PEX6: variants seen among roughly 807,000 people sequenced by gnomAD.
PEX6 encodes peroxisomal biogenesis factor 6.
In PEX6, 55 loss-of-function variants were observed where a neutral mutation model predicts 85.6. The observed-to-expected ratio is 0.64, with a 90% CI of 0.52 to 0.80. PEX6 has a LOEUF of 0.80. Among genes scored for constraint, PEX6 ranks in the 30% least tolerant of loss-of-function variants. PEX6 has a pLI of 0.00. For synonymous variants in PEX6, 519 were observed against 549.1 expected, an observed-to-expected ratio of 0.95 and a Z score of 0.77; for missense variants, 1,099 against 1,260.3, an observed-to-expected ratio of 0.87 and a Z score of 1.94.
chr6:42,965,013 C>T lies in PEX6; in HGVS notation c.2666+62G>A. 1.9e-6 allele frequency: 3 copies of T among 1,611,534 alleles called. No homozygotes were observed. Among genetic ancestry groups the T allele is most frequent in the South Asian group, 1.1e-5 (1 of 91,038 alleles). On this transcript the variant is annotated intron_variant, in intron 15 of 16. Transcript: ENST00000304611. This position sits in a 1 kb window ranked among gnomAD's most constrained non-coding sequence, Gnocchi z 5.0. ...GCTGACCAGCTCATCCTGCATGTTG[C>T]ATGCATCCCCTAAGCATCCCAAGGC... is the stretch of plus-strand genomic sequence containing the variant.
At chr6:42,973,564 T>G (rs895247825) in intron 3 of PEX6, among the ~76,000 whole-genome samples, 1 of 152,102 alleles carries the variant, frequency 6.6e-6, no homozygotes, top group South Asian at 2.1e-4. Flanking sequence ...CAAAAAAATG[T>G]ACACAGGCTG....
chr6:42,968,364 A>G lies in PEX6; in HGVS notation c.1614T>C (p.Arg538=). 6.2e-7 allele frequency: 1 copy of G among 1,614,144 alleles called. No homozygotes were observed. The highest frequency in any genetic ancestry group is 8.5e-7 in the Non-Finnish European group (1 of 1,180,040). Residue 538 remains arginine (R), a synonymous_variant, in exon 7 of 17, where the codon CGT becomes CGC. Transcript: ENST00000304611. ...CACGGGCATCCTCACCCAGCCCATC[A>G]CGGTCCCGGCCCAGAAGGTCCACAG... ...LTAVDLLGRD[R]DGLGEDARVM... is the part of the protein sequence containing the mutation.
chr6:42,978,175 A>T (rs1429586263), intron 1 of PEX6, 94 bp downstream of exon 1: 17 of 1,421,870 alleles, frequency 1.2e-5, no homozygotes, highest in Admixed American at 8.4e-5. Context: ...CCGGGATGAT[A>T]TGGGGCACGA....
chr6:42,974,115 T>G (rs1446641536), intron 2 of PEX6, 29 bp from the exon 3 acceptor site: 2 of 1,550,050 alleles, frequency 1.3e-6, no homozygotes, highest in Non-Finnish European at 1.8e-6. Flanking sequence ...CCTGGTCAGG[T>G]CACAATGGGA....
chr6:42,977,768 CAAAAAAAAAAAA>C (rs200706906), intron 1 of PEX6, among the ~76,000 whole-genome samples: 20 of 51,720 alleles, frequency 3.9e-4, no homozygotes, highest in East Asian at 2.0e-3. Flanking sequence ...GACCCCATCT[CAAAAAAAAAAAA>C]AAAAAAAAAA....
At chr6:42,974,343 GTC>G (rs1190916747) in intron 2 of PEX6, among the ~76,000 whole-genome samples, 2 of 151,224 alleles carry the variant, frequency 1.3e-5, no homozygotes, top group East Asian at 3.9e-4. Context: ...AATCACAGGT[GTC>G]TCTGTTTGGA....
chr6:42,974,807 A>T, intron 2 of PEX6, 68 bp downstream of exon 2: 1 of 1,451,446 alleles, frequency 6.9e-7, no homozygotes, highest in Non-Finnish European at 9.7e-7. Flanking sequence ...ACTTGGTTCT[A>T]AGGCATGGGA....
At chr6:42,974,795 G>A (rs1770216572) in intron 2 of PEX6, 80 bp downstream of exon 2, 3 of 1,315,858 alleles carry the variant, frequency 2.3e-6, no homozygotes, top group South Asian at 2.4e-5. Flanking sequence ...GGCCTCTGGG[G>A]TACTTGGTTC....
intron 1 of PEX6, among the ~76,000 whole-genome samples, chr6:42,976,845 A>C (rs1414909984): frequency 6.6e-6 from 1 of 152,214 alleles, no homozygotes; most frequent in Non-Finnish European, 1.5e-5. Flanking sequence ...TAAAATATTA[A>C]AACTAAACAC....
At position 42,979,170 on chromosome 6, in the gene PEX6, G is replaced by A. The variant is rs747395702; in HGVS notation, c.-20C>T. The A allele has an allele frequency of 1.3e-6, 2 of 1,569,988 alleles. No homozygotes were observed. Among genetic ancestry groups the A allele is most frequent in the Non-Finnish European group, 1.7e-6 (2 of 1,166,622 alleles). ...CGCCATGGTGACAGGACACCAACGA[G>A]GAGGGTGAAGGAGCGCAGCTTCCGG... On this transcript the variant is annotated 5_prime_UTR_variant, in exon 1 of 17. Transcript: ENST00000304611.
Position 42,967,555 on chromosome 6 carries a change from G to T in PEX6, c.1697C>A (p.Pro566His), listed in dbSNP as rs1452199222. Reference sequence around the variant, plus strand: ...GCTTGTGGTGGCCACAACCATGAGGGGAGGGCAGCTGCAGACAGAGGAGTG... The same window carrying T: ...GCTTGTGGTGGCCACAACCATGAGGTGAGGGCAGCTGCAGACAGAGGAGTG... ...LNEDPLNSCP[P>H]LMVVATTSRA... The change falls in exon 8 of 17, where the codon CCC (proline) becomes CAC (histidine). Residue 566 changes from proline (P) to histidine (H), a missense_variant. This residue lies in a region of PEX6 where 514 missense variants were observed against 627.0 expected (regional missense o/e 0.82). Transcript: ENST00000304611. 11 of 1,600,556 alleles carry T rather than the reference G, an allele frequency of 6.9e-6. No homozygotes were observed. Among genetic ancestry groups the T allele is most frequent in the African/African-American group, 1.3e-5 (1 of 74,836 alleles).
At position 42,966,261 on chromosome 6, in the gene PEX6, A is replaced by G. The variant is rs1457150822; in HGVS notation, c.2281T>C (p.Cys761Arg). Residue 761 changes from cysteine to arginine, a missense_variant, in exon 11 of 17, where the codon TGC (cysteine) becomes CGC (arginine). Physicochemically the swap from Cys to Arg is radical, Grantham distance 180 (BLOSUM62 -3). Transcript: ENST00000304611. The part of the protein sequence containing the change: ...TLLAKAVATE[C>R]SLTFLSVKGP... ...GGCCACCTGAGGAAGGTAAGGCTGC[A>G]CTCAGTGGCTACTGCCTTGGCCAGA... 1 of 1,612,258 alleles carries G rather than the reference A, an allele frequency of 6.2e-7. No homozygotes were observed.
rs1450240949 is a variant in PEX6 at position 42,969,963 on chromosome 6, C to T, written c.1155G>A (p.Val385=). The T allele has an allele frequency of 5.6e-6, 9 of 1,614,186 alleles. No homozygotes were observed. Among genetic ancestry groups the T allele is most frequent in the Non-Finnish European group, 6.8e-6 (8 of 1,180,028 alleles). Residue 385 remains valine, a synonymous_variant, in exon 4 of 17, where the codon GTG becomes GTA. Transcript: ENST00000304611. ...CTGGAGCTTCCCCAACTGTTTTCTTCACTTTAAAAAACATTTCCCGCCACC... is the reference window on the plus strand; with the variant it reads ...CTGGAGCTTCCCCAACTGTTTTCTTTACTTTAAAAAACATTTCCCGCCACC... ...LPRWREMFFK[V]KKTVGEAPDG...
Position 42,969,864 on chromosome 6 carries a change from C to T in PEX6, c.1233+21G>A, listed in dbSNP as rs760429635. On this transcript the variant is annotated intron_variant, in intron 4 of 16. Coordinates refer to ENST00000304611, the MANE Select transcript of PEX6 (RefSeq NM_000287.4). ...CGTTTCTACCCCCTGCGCTGGTCTACACCCATCCTTGGGGCCTCACCATGT... is the reference window on the plus strand; with the variant it reads ...CGTTTCTACCCCCTGCGCTGGTCTATACCCATCCTTGGGGCCTCACCATGT... 2.0e-5 allele frequency: 33 copies of T among 1,613,984 alleles called. 1 individual carries two copies. The East Asian group carries it at 2.7e-4, about 13-fold the overall frequency.
chr6:42,969,418 A>C (rs1769976871), intron 5 of PEX6, among the ~76,000 whole-genome samples: 1 of 152,182 alleles, frequency 6.6e-6, no homozygotes, highest in Non-Finnish European at 1.5e-5. Flanking sequence ...TCTCAGAAAC[A>C]GATGCCCCTG....
chr6:42,976,856 C>T (rs897181177), intron 1 of PEX6, among the ~76,000 whole-genome samples: 2 of 152,006 alleles, frequency 1.3e-5, no homozygotes, highest in Non-Finnish European at 2.9e-5. Context: ...AACTAAACAC[C>T]AGGCACCAAA....
At position 42,978,464 on chromosome 6, in the gene PEX6, T is replaced by C. The variant is rs1213580490; in HGVS notation, c.687A>G (p.Arg229=). 1.9e-6 allele frequency: 3 copies of C among 1,614,158 alleles called. No homozygotes were observed. The highest frequency in any genetic ancestry group is 1.1e-5 in the South Asian group (1 of 91,080). The change falls in exon 1 of 17, where the codon AGA becomes AGG. Residue 229 remains arginine (R), a synonymous_variant. Transcript: ENST00000304611. The stretch of plus-strand genomic sequence containing the variant: ...GCGGCTGTGAAGTGTTCGATGACTC[T>C]CTGGCCTGGGCCACCCACACCCATT... ...QGEWVWVAQA[R]ESSNTSQPHL...
chr6:42,978,667 C>T lies in PEX6; in HGVS notation c.484G>A (p.Gly162Arg). ...GACTCTGGACACAGTCTGGCCCGCC[C>T]GCGGAGCTCAGTCACAGCCAGCCGA... ...GTRLAVTELRGRARLCPESGD... is the reference protein window; with the variant it reads ...GTRLAVTELRRRARLCPESGD... Residue 162 changes from glycine to arginine, a missense_variant, in exon 1 of 17, where the codon GGG (glycine) becomes AGG (arginine). Coordinates refer to ENST00000304611, the MANE Select transcript of PEX6 (RefSeq NM_000287.4). 1.3e-6 allele frequency: 2 copies of T among 1,563,130 alleles called. No individual in the cohort carries two copies. Among genetic ancestry groups the T allele is most frequent in the Non-Finnish European group, 1.7e-6 (2 of 1,161,716 alleles).
At chr6:42,973,726 C>T (rs945224161) in intron 3 of PEX6, among the ~76,000 whole-genome samples, 3 of 152,040 alleles carry the variant, frequency 2.0e-5, no homozygotes, top group South Asian at 4.2e-4. Context: ...CGTGGTGATG[C>T]GAACCTGTAG....
Sources: allele counts gnomAD v4.1 joint callset (sites outside exome capture counted in the v4.1 genomes callset), GRCh38; gene constraint gnomAD v4.1.1; regional missense constraint gnomAD v4.1.1; non-coding constraint Gnocchi (gnomAD v3.1); transcripts MANE v1.5; gene names NCBI Gene and HGNC (gene_info 2026-07-23, HGNC 2026-07-21).